Variants in RELCH observed in about 807,000 individuals in gnomAD.
RELCH encodes the protein RAB11 binding and LisH domain, coiled-coil and HEAT repeat containing.
In RELCH, 41 loss-of-function variants were observed where a neutral mutation model predicts 150.3. The observed-to-expected ratio is 0.27, with a 90% CI of 0.21 to 0.35. The LOEUF (loss-of-function observed/expected upper bound fraction) is 0.35. RELCH is among the 10% of genes least tolerant of loss of function. The pLI is 1.00. For synonymous variants in RELCH, 478 were observed against 531.8 expected (o/e 0.90, Z 1.39); for missense variants, 1,092 against 1,467.8 (o/e 0.74, Z 4.18).
At position 62,280,650 on chromosome 18, in the gene RELCH, G is replaced by A. The variant is rs1464276090; in HGVS notation, c.3055G>A (p.Val1019Ile). 6.2e-7 allele frequency: 1 copy of A among 1,609,796 alleles called. No individual in the cohort carries two copies. The highest frequency in any genetic ancestry group is 1.1e-5 in the South Asian group (1 of 90,950). The change falls in exon 24 of 29, where the codon GTC becomes ATC. Residue 1019 changes from valine (V) to isoleucine (I), a missense_variant. This residue lies in a region of RELCH where 707 missense variants were observed against 1,025.4 expected (regional missense o/e 0.69). Coordinates refer to ENST00000644646, the MANE Select transcript of RELCH (RefSeq NM_001346231.2). The part of the protein sequence containing the change: ...ITLSSDPEIS[V>I]RIATIPAFGT... ...TTTCTGTTTTAATTCTAACAGCTCT[G>A]TCAGGATTGCCACAATTCCAGCCTT...
Position 62,211,251 on chromosome 18 carries a change from A to C in RELCH, c.616+9A>C, listed in dbSNP as rs1018734551. 46 of 1,513,770 alleles carry C rather than the reference A, an allele frequency of 3.0e-5. No individual in the cohort carries two copies. Among genetic ancestry groups the C allele is most frequent in the Non-Finnish European group, 4.1e-5 (45 of 1,092,152 alleles). 93.8% of individuals were successfully genotyped at this position (1,513,770 alleles called of 1,614,324 possible). On this transcript the variant is annotated intron_variant, in intron 2 of 28. Transcript: ENST00000644646. ...AGATGAAAAAGTGGCAGGTGAGTAA[A>C]ATTGTAAGGACAGATTTGGATTCTT...
At chr18:62,240,724 C>G (rs917533406) in intron 10 of RELCH, among the ~76,000 whole-genome samples, 1 of 152,066 alleles carries the variant, frequency 6.6e-6, no homozygotes, top group Non-Finnish European at 1.5e-5. Context: ...ATCATAGACA[C>G]TCTGTTAAAT....
chr18:62,276,115 G>C (rs1171720817), intron 22 of RELCH, among the ~76,000 whole-genome samples: 1 of 152,136 alleles, frequency 6.6e-6, no homozygotes, highest in Non-Finnish European at 1.5e-5. Context: ...TATGTGTGTA[G>C]GTGGGGAGCA....
At position 62,266,040 on chromosome 18, in the gene RELCH, A is replaced by AT. The variant is rs532350405; in HGVS notation, c.2632-650dup. On this transcript the variant is annotated intron_variant, in intron 18 of 28. Transcript: ENST00000644646. Reference sequence around the variant, plus strand: ...TTTGATATCTCCAAAACAAGTAGCTATTTTTTTTTTTAGAAAAGCAAGTAG... The same window carrying AT: ...TTTGATATCTCCAAAACAAGTAGCTATTTTTTTTTTTTAGAAAAGCAAGTAG... Among the ~76,000 whole-genome samples the AT allele has an allele frequency of 4.5e-4, 66 of 147,254 alleles. No homozygotes were observed. The South Asian group carries it at 5.4e-3, about 12-fold the overall frequency.
At chr18:62,221,306 C>T (rs755964704) in intron 4 of RELCH, 32 bp downstream of exon 4, 1 of 1,567,402 alleles carries the variant, frequency 6.4e-7, no homozygotes, top group Non-Finnish European at 8.8e-7. Context: ...TAAAATTAAT[C>T]TTCCACATTA....
intron 20 of RELCH, among the ~76,000 whole-genome samples, chr18:62,273,425 T>G (rs576367810): frequency 1.3e-5 from 2 of 152,304 alleles, no homozygotes; most frequent in South Asian, 4.1e-4. Context: ...GATAATTTCT[T>G]AGAAATCAAT....
At chr18:62,252,906 C>A (rs1309129399) in intron 12 of RELCH, 152 bp downstream of exon 12, 4 of 631,212 alleles carry the variant, frequency 6.3e-6, no homozygotes, top group Non-Finnish European at 1.1e-5. Context: ...TTAGTACTTA[C>A]GAATGCTCTG....
Position 62,238,854 on chromosome 18 carries a change from A to C in RELCH, c.1621-5910A>C, listed in dbSNP as rs141431340. ...ACCGTCATTAAAAAGGCAAAGGAGA[A>C]AACCACTTATCTCAGTAAAGCTGTA... On this transcript the variant is annotated intron_variant, in intron 10 of 28. Transcript: ENST00000644646. Among the ~76,000 whole-genome samples, 316 of 152,262 alleles carry C rather than the reference A, an allele frequency of 2.1e-3. 4 individuals carry two copies. Among genetic ancestry groups the C allele is most frequent in the African/African-American group, 7.4e-3 (306 of 41,568 alleles).
chr18:62,277,613 A>G (rs1027605748), intron 22 of RELCH: 3 of 918,600 alleles, frequency 3.3e-6, no homozygotes, highest in African/African-American at 1.8e-5. Context: ...AAAATGAGAA[A>G]TGAGAAGAAA....
At chr18:62,234,098 T>G (rs532073900) in intron 10 of RELCH, among the ~76,000 whole-genome samples, 102 of 152,114 alleles carry the variant, frequency 6.7e-4, no homozygotes, top group Middle Eastern at 3.4e-3. Flanking sequence ...AAAATGAAAT[T>G]GTATTTCCTC....
chr18:62,235,518 A>C (rs552614057), intron 10 of RELCH: 2 of 152,224 alleles, frequency 1.3e-5, no homozygotes, highest in African/African-American at 4.8e-5. Flanking sequence ...TAGAGATTAC[A>C]TTAAATCTGT....
intron 16 of RELCH, among the ~76,000 whole-genome samples, chr18:62,263,196 AATTT>A (rs2043364370): frequency 6.6e-6 from 1 of 152,028 alleles, no homozygotes; most frequent in Admixed American, 6.6e-5. Flanking sequence ...TAAACATAAA[AATTT>A]GGGCGGGGGG....
intron 11 of RELCH, among the ~76,000 whole-genome samples, chr18:62,251,899 G>A (rs996192979): frequency 3.9e-5 from 6 of 152,132 alleles, no homozygotes; most frequent in Non-Finnish European, 8.8e-5. Context: ...CACAACATCT[G>A]TCACAGATGG....
intron 15 of RELCH, among the ~76,000 whole-genome samples, chr18:62,260,738 T>C (rs973353341): frequency 2.6e-5 from 4 of 151,920 alleles, no homozygotes; most frequent in African/African-American, 9.7e-5. Context: ...TATTCAGCCA[T>C]TAAAAAAAGA....
intron 11 of RELCH, among the ~76,000 whole-genome samples, chr18:62,250,240 G>T (rs1016487839): frequency 6.6e-6 from 1 of 152,072 alleles, no homozygotes; most frequent in African/African-American, 2.4e-5. Context: ...ATTTCAAGGG[G>T]CCTAATGTTT....
intron 20 of RELCH, among the ~76,000 whole-genome samples, chr18:62,271,959 GTGGCAGT>G (rs2043927479): frequency 6.6e-6 from 1 of 152,054 alleles, no homozygotes; most frequent in Non-Finnish European, 1.5e-5. Context: ...ATCTGTTTTG[GTGGCAGT>G]TATTATACTC....
At chr18:62,210,804 G>A (rs897450643) in intron 1 of RELCH, among the ~76,000 whole-genome samples, 1 of 152,154 alleles carries the variant, frequency 6.6e-6, no homozygotes, top group Non-Finnish European at 1.5e-5. Context: ...AGGCCGTGAA[G>A]ACTGGATTCT....
At chr18:62,270,316 G>A (rs996450716) in intron 20 of RELCH, among the ~76,000 whole-genome samples, 7 of 152,178 alleles carry the variant, frequency 4.6e-5, no homozygotes, top group African/African-American at 1.7e-4. Flanking sequence ...AGCAAAAGTA[G>A]GGAAGTAAGC....
intron 27 of RELCH, 83 bp from the exon 28 acceptor site, chr18:62,298,707 A>G (rs1021157554): frequency 1.4e-6 from 1 of 690,200 alleles, no homozygotes; most frequent in African/African-American, 1.9e-5. Flanking sequence ...GCTTATAGGA[A>G]TATTAAAAAT....
Sources: allele counts gnomAD v4.1 joint callset (sites outside exome capture counted in the v4.1 genomes callset), GRCh38; gene constraint gnomAD v4.1.1; regional missense constraint gnomAD v4.1.1; transcripts MANE v1.5; gene names NCBI Gene and HGNC (gene_info 2026-07-23, HGNC 2026-07-21).